The following SLC39A11 variants were observed in gnomAD, a reference collection of about 807,000 sequenced individuals.
SLC39A11 encodes zinc transporter ZIP11.
Under a neutral mutation model 36.1 loss-of-function variants are expected in SLC39A11, and 33 were observed. That is an observed-to-expected ratio of 0.91 (90% CI 0.69 to 1.22). The LOEUF (loss-of-function observed/expected upper bound fraction) is 1.22. SLC39A11 is among the 50% of genes most tolerant of loss of function. The pLI, the probability that SLC39A11 is intolerant of heterozygous loss-of-function variation, is 0.00. For missense variants in SLC39A11, 432 were observed against 430.3 expected, an observed-to-expected ratio of 1.00 and a Z score of -0.03; for synonymous variants, 166 against 170.3, an observed-to-expected ratio of 0.97 and a Z score of 0.20.
At chr17:72,785,684 C>T (rs2076488984) in intron 6 of SLC39A11, among the ~76,000 whole-genome samples, 1 of 152,106 alleles carries the variant, frequency 6.6e-6, no homozygotes, top group South Asian at 2.1e-4. Flanking sequence ...ATGGCCACCA[C>T]CGGGAGGGTG....
chr17:72,942,410 T>C (rs2085167428), intron 5 of SLC39A11, among the ~76,000 whole-genome samples: 1 of 152,154 alleles, frequency 6.6e-6, no homozygotes, highest in Non-Finnish European at 1.5e-5. Flanking sequence ...GTTGTGAAAA[T>C]ACTCTTTCAT....
At chr17:72,704,933 G>T (rs542001234) in intron 7 of SLC39A11, among the ~76,000 whole-genome samples, 286 of 152,292 alleles carry the variant, frequency 1.9e-3, no homozygotes, top group African/African-American at 6.6e-3. Flanking sequence ...CTTGAACCTG[G>T]GAGGATATAG....
chr17:73,035,807 C>A (rs894651952), intron 3 of SLC39A11, among the ~76,000 whole-genome samples: 2 of 130,672 alleles, frequency 1.5e-5, no homozygotes, highest in East Asian at 4.6e-4. Flanking sequence ...GAGGTTGCAG[C>A]GAGCCAAGAT....
intron 5 of SLC39A11, among the ~76,000 whole-genome samples, chr17:72,861,666 T>TATATATATATATATATATATAAA (rs2080011930): frequency 9.3e-6 from 1 of 107,090 alleles, no homozygotes. Context: ...ATTATATATA[T>TATATATATATATATATATATAAA]ATATATATAT....
chr17:72,773,666 C>T (rs781540673), intron 6 of SLC39A11, among the ~76,000 whole-genome samples: 1 of 151,096 alleles, frequency 6.6e-6, no homozygotes, highest in Non-Finnish European at 1.5e-5. Context: ...CACACACACA[C>T]ACACACACAC....
At chr17:72,945,221 T>C (rs2085363027) in intron 5 of SLC39A11, among the ~76,000 whole-genome samples, 1 of 152,196 alleles carries the variant, frequency 6.6e-6, no homozygotes, top group Admixed American at 6.5e-5. Context: ...TCATAAATGC[T>C]TTTCCCAGCT....
At chr17:72,798,539 G>A (rs970447604) in intron 6 of SLC39A11, among the ~76,000 whole-genome samples, 4 of 150,562 alleles carry the variant, frequency 2.7e-5, no homozygotes, top group East Asian at 2.0e-4. Context: ...TCAGCCTCCC[G>A]AGTAGCTGGG....
intron 5 of SLC39A11, among the ~76,000 whole-genome samples, chr17:72,863,920 C>G (rs928202717): frequency 5.9e-5 from 9 of 152,226 alleles, no homozygotes. Context: ...CTTTAACCAT[C>G]CCTCTCTGCC....
At chr17:73,018,135 T>A (rs201457482) in intron 4 of SLC39A11, among the ~76,000 whole-genome samples, 1 of 152,138 alleles carries the variant, frequency 6.6e-6, no homozygotes, top group East Asian at 1.9e-4. Context: ...CTTTACAGGA[T>A]CAAGTTGAAC....
intron 4 of SLC39A11, among the ~76,000 whole-genome samples, chr17:72,993,795 T>G (rs969488841): frequency 6.6e-6 from 1 of 152,112 alleles, no homozygotes; most frequent in African/African-American, 2.4e-5. Flanking sequence ...TTCCAAAATT[T>G]AAGATTTTTT....
intron 3 of SLC39A11, among the ~76,000 whole-genome samples, chr17:73,063,475 T>G (rs2059907075): frequency 6.6e-6 from 1 of 152,074 alleles, no homozygotes; most frequent in Non-Finnish European, 1.5e-5. Context: ...CAAGGCCAGG[T>G]GCAGTGGCGC....
intron 5 of SLC39A11, among the ~76,000 whole-genome samples, chr17:72,907,511 A>C (rs1008691087): frequency 6.6e-6 from 1 of 152,098 alleles, no homozygotes; most frequent in Admixed American, 6.5e-5. Flanking sequence ...CAAACAAACA[A>C]AAATAAATGA....
At chr17:72,683,606 G>A (rs766019796) in intron 7 of SLC39A11, among the ~76,000 whole-genome samples, 1 of 152,060 alleles carries the variant, frequency 6.6e-6, no homozygotes, top group South Asian at 2.1e-4. Flanking sequence ...CAAAGTGCTG[G>A]TGTGAGCCAC....
At chr17:73,057,258 C>A (rs1474413275) in intron 3 of SLC39A11, among the ~76,000 whole-genome samples, 2 of 152,204 alleles carry the variant, frequency 1.3e-5, no homozygotes, top group African/African-American at 2.4e-5. Flanking sequence ...GGCCGCTGCA[C>A]CTGGCCAGGA....
intron 6 of SLC39A11, among the ~76,000 whole-genome samples, chr17:72,801,008 A>G (rs570778935): frequency 6.6e-6 from 1 of 152,362 alleles, no homozygotes; most frequent in Non-Finnish European, 1.5e-5. Flanking sequence ...ATGCTACAAC[A>G]CAGGTACGTC....
intron 7 of SLC39A11, among the ~76,000 whole-genome samples, chr17:72,686,262 C>T (rs1299690651): frequency 6.6e-6 from 1 of 152,224 alleles, no homozygotes; most frequent in Non-Finnish European, 1.5e-5. Flanking sequence ...CTGTTGCTGG[C>T]ATGCTTCCAG....
At chr17:72,700,257 T>C (rs564348898) in intron 7 of SLC39A11, among the ~76,000 whole-genome samples, 2 of 152,244 alleles carry the variant, frequency 1.3e-5, no homozygotes, top group Non-Finnish European at 2.9e-5. Flanking sequence ...TGCAATTTTA[T>C]TTTTTAATAG....
At chr17:72,841,166 A>G (rs2078789095) in intron 6 of SLC39A11, among the ~76,000 whole-genome samples, 1 of 152,250 alleles carries the variant, frequency 6.6e-6, no homozygotes, top group Non-Finnish European at 1.5e-5. Context: ...CAAGTATATA[A>G]TACATATTGA....
At chr17:73,080,944 C>G (rs1214116812) in intron 3 of SLC39A11, among the ~76,000 whole-genome samples, 1 of 139,552 alleles carries the variant, frequency 7.2e-6, no homozygotes, top group Non-Finnish European at 1.5e-5. Flanking sequence ...GGCTCCATGT[C>G]AAAAAACAAT....
Sources: allele counts gnomAD v4.1 joint callset (sites outside exome capture counted in the v4.1 genomes callset), GRCh38; gene constraint gnomAD v4.1.1; transcripts MANE v1.5; gene names NCBI Gene and HGNC (gene_info 2026-07-23, HGNC 2026-07-21).